The following DNAH12 variants were observed in gnomAD, a reference collection of about 807,000 sequenced individuals.
DNAH12 encodes the protein axonemal beta dynein heavy chain 12.
A neutral mutation model predicts 371.5 loss-of-function variants in DNAH12; 285 were observed. The observed-to-expected ratio is 0.77, with a 90% CI of 0.70 to 0.85. DNAH12 has a LOEUF of 0.85. Ranked by LOEUF, DNAH12 falls within the 40% of genes least tolerant of loss-of-function variation. The probability of loss-of-function intolerance (pLI) is 0.00; values close to 1 mark genes in which losing one functional copy is unlikely to be tolerated. For missense variants in DNAH12, 3,611 were observed against 3,689.4 expected (o/e 0.98, Z 0.55); for synonymous variants, 1,200 against 1,213.0 (o/e 0.99, Z 0.22).
At chr3:57,404,448 G>C (rs576849106) in intron 42 of DNAH12, among the ~76,000 whole-genome samples, 6 of 152,308 alleles carry the variant, frequency 3.9e-5, no homozygotes, top group African/African-American at 1.4e-4. Flanking sequence ...AGGTGTGGTG[G>C]CTCACATCTG....
chr3:57,413,246 G>C (rs1439524001), intron 39 of DNAH12, among the ~76,000 whole-genome samples: 1 of 152,148 alleles, frequency 6.6e-6, no homozygotes, highest in Non-Finnish European at 1.5e-5. Context: ...TTAAACTATA[G>C]AGAGAAAAAG....
intron 13 of DNAH12, among the ~76,000 whole-genome samples, chr3:57,479,380 A>C (rs2066655055): frequency 6.6e-6 from 1 of 152,188 alleles, no homozygotes; most frequent in Non-Finnish European, 1.5e-5. Context: ...ACTATCCTAA[A>C]TATATATGCA....
In DNAH12 at chr3:57,384,814, A is replaced by T. The variant is rs902441243; in HGVS notation, c.7860+15T>A. 2.2e-4 allele frequency: 34 copies of T among 152,340 alleles called. No individual in the cohort carries two copies. Among genetic ancestry groups the T allele is most frequent in the African/African-American group, 7.9e-4 (33 of 41,582 alleles). 9.4% of individuals were successfully genotyped at this position (152,340 alleles called of 1,614,324 possible). On this transcript the variant is annotated intron_variant, in intron 49 of 73. Transcript: ENST00000495027. ...TTGGTTGATGAAACACAAAGTAGCT[A>T]ATTCAAACACTTGCCTTAAGTGTAT...
intron 39 of DNAH12, among the ~76,000 whole-genome samples, chr3:57,412,286 AC>A (rs2064232077): frequency 6.6e-6 from 1 of 152,166 alleles, no homozygotes; most frequent in Non-Finnish European, 1.5e-5. Context: ...ACAATTTTAC[AC>A]CCTTTACAAC....
chr3:57,327,511 C>T (rs1380928718), intron 62 of DNAH12, among the ~76,000 whole-genome samples: 6 of 152,044 alleles, frequency 3.9e-5, no homozygotes, highest in Admixed American at 2.0e-4. Flanking sequence ...TTGAAACCAA[C>T]GAGAACAAAG....
rs917577185 is a variant in DNAH12, at chr3:57,331,009, A to G, written c.9978+3456T>C. Reference sequence around the variant, plus strand: ...CTTTAATTCCATTTAGTTTAACTCAATTCAATTCAACTTAATTCATAGACA... The same window carrying G: ...CTTTAATTCCATTTAGTTTAACTCAGTTCAATTCAACTTAATTCATAGACA... On this transcript the variant is annotated intron_variant, in intron 62 of 73. Coordinates refer to ENST00000495027, the MANE Select transcript of DNAH12 (RefSeq NM_001366028.2). Among the ~76,000 whole-genome samples the G allele has an allele frequency of 2.6e-5, 4 of 152,214 alleles. No individual in the cohort carries two copies. The South Asian group carries it at 6.2e-4, about 24-fold the overall frequency.
chr3:57,329,094 C>G (rs909819785), intron 62 of DNAH12, among the ~76,000 whole-genome samples: 9 of 149,032 alleles, frequency 6.0e-5, no homozygotes, highest in Non-Finnish European at 1.2e-4. Flanking sequence ...ATTCCATGCT[C>G]ATGGGTAGGA....
intron 43 of DNAH12, among the ~76,000 whole-genome samples, chr3:57,397,157 C>T (rs894591246): frequency 9.2e-5 from 14 of 152,036 alleles, no homozygotes; most frequent in Admixed American, 2.6e-4. Context: ...AGAAAGTGAC[C>T]ATCAGCAAGA....
rs1553679736 is a variant in DNAH12, at chr3:57,403,360, T to C, written c.6897A>G (p.Gln2299=). The C allele has an allele frequency of 6.4e-7, 1 of 1,551,300 alleles. No individual in the cohort carries two copies. Among genetic ancestry groups the C allele is most frequent in the Non-Finnish European group, 8.7e-7 (1 of 1,146,802 alleles). The change falls in exon 43 of 74, where the codon CAA becomes CAG. Residue 2299 remains glutamine, a synonymous_variant. Transcript: ENST00000495027. The stretch of plus-strand genomic sequence containing the variant: ...TACCATAGCTCTTAGAAATTTCTGG[T>C]TGGAAAATATGCATTTTTGCCATGG... ...ATSMAKMHIF[Q]PEISKSYGMN...
At chr3:57,344,679 T>C (rs1333113359) in intron 60 of DNAH12, among the ~76,000 whole-genome samples, 2 of 152,178 alleles carry the variant, frequency 1.3e-5, no homozygotes, top group Non-Finnish European at 1.5e-5. Flanking sequence ...TTCAGTGAAA[T>C]ACGCCAGGAA....
chr3:57,520,055 C>T lies in DNAH12; in HGVS notation c.279+3528G>A, dbSNP rs9874149. 98 of 578,670 alleles carry T rather than the reference C, an allele frequency of 1.7e-4. 3 individuals are homozygous for T. The African/African-American group carries it at 1.9e-3, about 11-fold the overall frequency. 35.8% of individuals were successfully genotyped at this position (578,670 alleles called of 1,614,324 possible). A position where few individuals can be genotyped will look rare whatever the true frequency, so the allele number is the denominator to read the frequency against. ...TGGCCGACGTTGGGTTGGGGAAAGCCGGAGGCTGTGGCGGCTCTGTGGCTA... is the reference window on the plus strand; with the variant it reads ...TGGCCGACGTTGGGTTGGGGAAAGCTGGAGGCTGTGGCGGCTCTGTGGCTA... On this transcript the variant is annotated intron_variant, in intron 4 of 73. Coordinates refer to ENST00000495027, the MANE Select transcript of DNAH12 (RefSeq NM_001366028.2).
chr3:57,410,449 G>A (rs1254151162), intron 39 of DNAH12, among the ~76,000 whole-genome samples: 1 of 152,004 alleles, frequency 6.6e-6, no homozygotes, highest in Non-Finnish European at 1.5e-5. Flanking sequence ...TCCACTGACT[G>A]GCTGTTCCCC....
At chr3:57,311,688 C>T (rs2061587652) in intron 66 of DNAH12, among the ~76,000 whole-genome samples, 7 of 152,098 alleles carry the variant, frequency 4.6e-5, no homozygotes. Flanking sequence ...GAGAGCTGCC[C>T]ACAGCAAAGA....
At chr3:57,383,181 G>A (rs1355068317) in intron 49 of DNAH12, among the ~76,000 whole-genome samples, 20 of 152,146 alleles carry the variant, frequency 1.3e-4, no homozygotes, top group African/African-American at 4.3e-4. Context: ...CTCAGCCTGG[G>A]ATCTGATTCT....
chr3:57,422,320 C>G (rs1402453471), intron 35 of DNAH12, among the ~76,000 whole-genome samples: 4 of 152,062 alleles, frequency 2.6e-5, no homozygotes, highest in Non-Finnish European at 5.9e-5. Flanking sequence ...CTCTACTTCC[C>G]AGGTTCAAGC....
At chr3:57,313,504 G>C (rs1021633878) in intron 66 of DNAH12, among the ~76,000 whole-genome samples, 3 of 152,028 alleles carry the variant, frequency 2.0e-5, no homozygotes, top group Non-Finnish European at 2.9e-5. Flanking sequence ...AATACAAAAA[G>C]TTAGCCAAGC....
chr3:57,448,532 G>A (rs60175170), intron 25 of DNAH12, among the ~76,000 whole-genome samples: 29,558 of 117,508 alleles, frequency 0.25, 3,201 homozygotes, highest in African/African-American at 0.28. Flanking sequence ...TGACAGCTCA[G>A]TGGACCCAGA....
chr3:57,413,744 A>AC lies in DNAH12; in HGVS notation c.6020+1dup. On this transcript the variant is annotated splice_donor_variant, in intron 39 of 73. Coordinates refer to ENST00000495027, the MANE Select transcript of DNAH12 (RefSeq NM_001366028.2). LOFTEE classifies it high-confidence loss of function. ...GCATAACTTATCGAATTAAATAGTTACCAATGTCCACAGTCAAAAAACTGT... is the reference window on the plus strand; with the variant it reads ...GCATAACTTATCGAATTAAATAGTTACCCAATGTCCACAGTCAAAAAACTGT... The AC allele has an allele frequency of 6.5e-7, 1 of 1,548,982 alleles. No homozygotes were observed.
At chr3:57,384,293 G>A (rs977874796) in intron 49 of DNAH12, among the ~76,000 whole-genome samples, 3,603 of 151,944 alleles carry the variant, frequency 0.024, 65 homozygotes, top group Admixed American at 0.035. Flanking sequence ...GAGTCTATTC[G>A]TCTCATTCCC....
Sources: allele counts gnomAD v4.1 joint callset (sites outside exome capture counted in the v4.1 genomes callset), GRCh38; gene constraint gnomAD v4.1.1; transcripts MANE v1.5; gene names NCBI Gene and HGNC (gene_info 2026-07-23, HGNC 2026-07-21).